The following KCTD5 variants were observed in gnomAD, a reference collection of about 807,000 sequenced individuals.
The protein encoded by KCTD5 is potassium channel tetramerization domain containing 5.
In KCTD5, 12 loss-of-function variants were observed where a neutral mutation model predicts 27.9. That is an observed-to-expected ratio of 0.43 (90% CI 0.28 to 0.70). KCTD5 has a LOEUF of 0.70. Among genes scored for constraint, KCTD5 ranks in the 30% least tolerant of loss-of-function variants. The pLI is 0.19. For missense variants in KCTD5, 226 were observed against 274.8 expected, an observed-to-expected ratio of 0.82 and a Z score of 1.26; for synonymous variants, 147 against 121.4, an observed-to-expected ratio of 1.21 and a Z score of -1.39.
chr16:2,703,945 C>T (rs563281480), intron 5 of KCTD5, among the ~76,000 whole-genome samples: 34 of 152,284 alleles, frequency 2.2e-4, no homozygotes, highest in African/African-American at 7.2e-4. Flanking sequence ...TTGGAGCAAT[C>T]GTAGGGCTCT....
In KCTD5 at chr16:2,682,530, T is replaced by C; in HGVS notation, c.-19T>C. 7.2e-7 allele frequency: 1 copy of C among 1,390,650 alleles called. No individual in the cohort carries two copies. The highest frequency in any genetic ancestry group is 9.3e-7 in the Non-Finnish European group (1 of 1,073,576). The allele number at this position is 1,390,650 out of a possible 1,614,324, so 86.1% of individuals were successfully genotyped here. On this transcript the variant is annotated 5_prime_UTR_variant, in exon 1 of 6. Transcript: ENST00000301738. Reference sequence around the variant, plus strand: ...GACGCTTCCGGTGGAAGGGAGCTGTTGCGGGGCTTGCTGGGATCATGGCGG... The same window carrying C: ...GACGCTTCCGGTGGAAGGGAGCTGTCGCGGGGCTTGCTGGGATCATGGCGG...
chr16:2,701,443 T>A (rs1218615861), intron 4 of KCTD5, among the ~76,000 whole-genome samples: 3 of 152,162 alleles, frequency 2.0e-5, no homozygotes, highest in Non-Finnish European at 4.4e-5. Flanking sequence ...TGGAAGTGGC[T>A]GTGAGGACAC....
At chr16:2,686,783 T>TC (rs2067541004) in intron 1 of KCTD5, among the ~76,000 whole-genome samples, 1 of 143,462 alleles carries the variant, frequency 7.0e-6, no homozygotes. Flanking sequence ...GGTGGAAAGT[T>TC]ATGGAAGGAA....
At chr16:2,688,653 A>C (rs1596220524) in intron 1 of KCTD5, among the ~76,000 whole-genome samples, 1 of 123,604 alleles carries the variant, frequency 8.1e-6, no homozygotes, top group Non-Finnish European at 1.7e-5. Flanking sequence ...CGGGTGATGC[A>C]CCGGAGGTCC....
chr16:2,688,863 C>A (rs1031853947), intron 1 of KCTD5, among the ~76,000 whole-genome samples: 1 of 12,872 alleles, frequency 7.8e-5, no homozygotes, highest in African/African-American at 3.5e-4. Flanking sequence ...ACCCCTGCTC[C>A]TGAGAGGGCT....
chr16:2,693,466 A>C (rs2067575781), intron 1 of KCTD5, among the ~76,000 whole-genome samples: 1 of 152,244 alleles, frequency 6.6e-6, no homozygotes, highest in Non-Finnish European at 1.5e-5. Flanking sequence ...GGAGTGGCCA[A>C]GACACGGCAG....
At chr16:2,702,662 G>T (rs895100408) in intron 5 of KCTD5, among the ~76,000 whole-genome samples, 184 bp downstream of exon 5, 2 of 152,238 alleles carry the variant, frequency 1.3e-5, no homozygotes, top group Admixed American at 1.3e-4. Context: ...CTCCCAGTAA[G>T]CCCCTGCGGC....
At chr16:2,703,295 G>A (rs1021250251) in intron 5 of KCTD5, among the ~76,000 whole-genome samples, 6 of 152,112 alleles carry the variant, frequency 3.9e-5, no homozygotes, top group East Asian at 1.9e-4. Context: ...CAGGACTCCC[G>A]GACCTCAGAG....
In KCTD5 at chr16:2,682,530, T is replaced by G. The variant is rs2067521894; in HGVS notation, c.-19T>G. 2 of 1,390,534 alleles carry G rather than the reference T, an allele frequency of 1.4e-6. No individual in the cohort carries two copies. Among genetic ancestry groups the G allele is most frequent in the Admixed American group, 3.0e-5 (1 of 33,022 alleles). 86.1% of individuals were successfully genotyped at this position (1,390,534 alleles called of 1,614,324 possible). A position where few individuals can be genotyped will look rare whatever the true frequency, so the allele number is the denominator to read the frequency against. On this transcript the variant is annotated 5_prime_UTR_variant, in exon 1 of 6. Transcript: ENST00000301738. ...GACGCTTCCGGTGGAAGGGAGCTGTTGCGGGGCTTGCTGGGATCATGGCGG... is the reference window on the plus strand; with the variant it reads ...GACGCTTCCGGTGGAAGGGAGCTGTGGCGGGGCTTGCTGGGATCATGGCGG...
intron 4 of KCTD5, among the ~76,000 whole-genome samples, chr16:2,701,284 C>T (rs2067610952): frequency 6.6e-6 from 1 of 152,180 alleles, no homozygotes; most frequent in African/African-American, 2.4e-5. Flanking sequence ...ACGCTTCATC[C>T]CTTGGGGACC....
chr16:2,701,082 C>G lies in KCTD5; in HGVS notation c.549+1166C>G, dbSNP rs111410528. ...TCGGGGTCCGCGAACAGGGCTGTCC[C>G]CATGTGGCACCTGTGCTCTTCTGCC... On this transcript the variant is annotated intron_variant, in intron 4 of 5. Transcript: ENST00000301738. Among the ~76,000 whole-genome samples the G allele has an allele frequency of 8.2e-3, 1,254 of 152,336 alleles. 20 individuals carry two copies. Among genetic ancestry groups the G allele is most frequent in the African/African-American group, 0.027 (1,131 of 41,582 alleles).
chr16:2,687,968 C>G (rs1360985162), intron 1 of KCTD5, among the ~76,000 whole-genome samples: 1 of 151,928 alleles, frequency 6.6e-6, no homozygotes, highest in Admixed American at 6.6e-5. Context: ...GAGCATCTTC[C>G]TTGGAGTTGG....
intron 1 of KCTD5, among the ~76,000 whole-genome samples, chr16:2,693,248 T>A (rs1300816349): frequency 6.6e-6 from 1 of 151,930 alleles, no homozygotes; most frequent in African/African-American, 2.4e-5. Flanking sequence ...GTGTGGGGAG[T>A]GGGGTCTGTT....
At chr16:2,684,374 G>C (rs1437305165) in intron 1 of KCTD5, 3 of 152,212 alleles carry the variant, frequency 2.0e-5, no homozygotes, top group Admixed American at 2.0e-4. Context: ...GGCCAGGCGC[G>C]GTGGCTCATG....
At position 2,697,946 on chromosome 16, in the gene KCTD5, A is replaced by G; in HGVS notation, c.402A>G (p.Leu134=). The change falls in exon 3 of 6, where the codon TTA becomes TTG. Residue 134 remains leucine, a synonymous_variant. Coordinates refer to ENST00000301738, the MANE Select transcript of KCTD5 (RefSeq NM_018992.4). Reference sequence around the variant, plus strand: ...CAGAATTTTACAATATCACCTCATTAATAAAACTTGTAAAGGACAAAATTA... The same window carrying G: ...CAGAATTTTACAATATCACCTCATTGATAAAACTTGTAAAGGACAAAATTA... ...EEAEFYNITS[L]IKLVKDKIRE... 1 of 1,611,962 alleles carries G rather than the reference A, an allele frequency of 6.2e-7. No homozygotes were observed. The highest frequency in any genetic ancestry group is 1.3e-5 in the African/African-American group (1 of 75,030).
intron 1 of KCTD5, among the ~76,000 whole-genome samples, chr16:2,693,305 G>A (rs2067575111): frequency 6.6e-6 from 1 of 152,234 alleles, no homozygotes; most frequent in Non-Finnish European, 1.5e-5. Flanking sequence ...TCACGTGATG[G>A]CAGCAGCTGC....
intron 1 of KCTD5, among the ~76,000 whole-genome samples, chr16:2,685,196 C>T (rs1299538109): frequency 1.3e-5 from 2 of 151,926 alleles, no homozygotes; most frequent in African/African-American, 2.4e-5. Flanking sequence ...GAGGCCGAGG[C>T]GCGTGAATCA....
chr16:2,698,434 G>A (rs2067596193), intron 3 of KCTD5, among the ~76,000 whole-genome samples: 1 of 152,250 alleles, frequency 6.6e-6, no homozygotes, highest in African/African-American at 2.4e-5. Flanking sequence ...TGGTTTTATT[G>A]GGAAGAGGGG....
At chr16:2,699,397 G>A (rs1462599877) in intron 3 of KCTD5, 1 of 359,320 alleles carries the variant, frequency 2.8e-6, no homozygotes, top group African/African-American at 2.1e-5. Flanking sequence ...GCAAGTTCAA[G>A]AGCCTTTTTC....
Sources: allele counts gnomAD v4.1 joint callset (sites outside exome capture counted in the v4.1 genomes callset), GRCh38; gene constraint gnomAD v4.1.1; transcripts MANE v1.5; gene names NCBI Gene and HGNC (gene_info 2026-07-23, HGNC 2026-07-21).